Variants in DST observed in about 807,000 individuals in gnomAD.
DST encodes bullous pemphigoid antigen.
In DST, 253 loss-of-function variants were observed where a neutral mutation model predicts 875.2. That is an observed-to-expected ratio of 0.29 (90% CI 0.26 to 0.32). DST has a LOEUF of 0.32. DST is among the 10% of genes least tolerant of loss of function. The pLI, the probability that DST is intolerant of heterozygous loss-of-function variation, is 1.00. For missense variants in DST, 8,287 were observed against 9,111.6 expected, an observed-to-expected ratio of 0.91 and a Z score of 3.68; for synonymous variants, 3,124 against 3,197.1, an observed-to-expected ratio of 0.98 and a Z score of 0.77.
intron 34 of DST, among the ~76,000 whole-genome samples, chr6:56,626,413 A>C (rs1033178716): frequency 3.3e-5 from 5 of 152,156 alleles, no homozygotes; most frequent in Non-Finnish European, 7.4e-5. Context: ...ACAAATAGAT[A>C]CCATTATGTT....
At chr6:56,802,428 A>C (rs919872035) in intron 4 of DST, among the ~76,000 whole-genome samples, 23 of 152,094 alleles carry the variant, frequency 1.5e-4, no homozygotes, top group Non-Finnish European at 2.9e-4. Context: ...GATTTTAATA[A>C]ATATTTTTGT....
intron 72 of DST, among the ~76,000 whole-genome samples, chr6:56,514,605 A>C (rs2096552907): frequency 7.2e-6 from 1 of 139,570 alleles, no homozygotes; most frequent in African/African-American, 2.6e-5. Context: ...ACACACACAC[A>C]CACACACCCC....
At position 56,494,810 on chromosome 6, in the gene DST, T is replaced by A. The variant is rs184500130; in HGVS notation, c.20224-630A>T. Among the ~76,000 whole-genome samples the A allele has an allele frequency of 1.7e-4, 26 of 152,146 alleles. No individual in the cohort carries two copies. The East Asian group carries it at 5.0e-3, about 29-fold the overall frequency. ...GGACATAAAATATTGCTTAAACAAA[T>A]TCAAAGTTTAAGACCAACAAAACAA... On this transcript the variant is annotated intron_variant, in intron 82 of 103. Transcript: ENST00000680361.
At position 56,607,034 on chromosome 6, in the gene DST, C is replaced by T; in HGVS notation, c.7594G>A (p.Gly2532Ser). The change falls in exon 40 of 104, where the codon GGT becomes AGT. Residue 2532 changes from glycine (G) to serine (S), a missense_variant. Physicochemically the swap from Gly to Ser is moderately conservative, Grantham distance 56. Transcript: ENST00000680361. ...CCTGGATGTGTTTTTTCATCCTCAC[C>T]AGAAGTATTTGAAATGTATTTATCA... is the stretch of plus-strand genomic sequence containing the variant. ...HNDKYISNTS[G>S]EDEKTHPGFQ... 8.7e-6 allele frequency: 14 copies of T among 1,613,338 alleles called. No individual in the cohort carries two copies. Among genetic ancestry groups the T allele is most frequent in the Non-Finnish European group, 1.2e-5 (14 of 1,179,606 alleles).
intron 61 of DST, among the ~76,000 whole-genome samples, chr6:56,546,340 C>CATATTTCATATATATATATATATAT (rs1461763694): frequency 9.3e-5 from 8 of 86,142 alleles, no homozygotes; most frequent in African/African-American, 3.3e-4. Context: ...GAAATATATA[C>CATATTTCATATATATATATATATAT]ATATTTCATA....
rs760297508 is a variant in DST, at chr6:56,606,707, A to C, written c.7921T>G (p.Tyr2641Asp). 3 of 1,613,582 alleles carry C rather than the reference A, an allele frequency of 1.9e-6. No individual in the cohort carries two copies. Among genetic ancestry groups the C allele is most frequent in the Non-Finnish European group, 2.5e-6 (3 of 1,179,652 alleles). ...TCATTTTCCTCTTGCAGTGTGTCGT[A>C]GTCCTCAGGGTGCAGGCAATCACGA... The part of the protein sequence containing the change: ...DDRDCLHPED[Y>D]DTLQEENDET... Residue 2641 changes from tyrosine to aspartate, a missense_variant, in exon 40 of 104, where the codon TAC (tyrosine) becomes GAC (aspartate). Physicochemically the swap from Tyr to Asp is radical, Grantham distance 160. Coordinates refer to ENST00000680361, the MANE Select transcript of DST (RefSeq NM_001374736.1).
chr6:56,794,771 T>C (rs1162470543), intron 4 of DST, among the ~76,000 whole-genome samples: 5 of 152,178 alleles, frequency 3.3e-5, no homozygotes, highest in African/African-American at 1.2e-4. Context: ...TAAGCATGCC[T>C]TCACATCCTA....
chr6:56,707,751 C>T (rs768332859), intron 5 of DST, among the ~76,000 whole-genome samples: 1 of 152,210 alleles, frequency 6.6e-6, no homozygotes, highest in African/African-American at 2.4e-5. Context: ...AAACCCTCTA[C>T]ATAAGGGAAA....
chr6:56,706,713 G>A (rs1001897541), intron 5 of DST, among the ~76,000 whole-genome samples: 1 of 152,052 alleles, frequency 6.6e-6, no homozygotes, highest in Non-Finnish European at 1.5e-5. Context: ...GTTCACAATA[G>A]GGTTCACAGC....
chr6:56,641,048 G>C (rs1415750210), intron 17 of DST, among the ~76,000 whole-genome samples: 1 of 151,090 alleles, frequency 6.6e-6, no homozygotes, highest in Non-Finnish European at 1.5e-5. Context: ...AATTACTATA[G>C]ATTCCTAAAG....
rs199549741 is a variant in DST, at chr6:56,501,604, C to T, written c.19656G>A (p.Glu6552=). The T allele has an allele frequency of 6.2e-7, 1 of 1,609,126 alleles. No homozygotes were observed. The highest frequency in any genetic ancestry group is 8.5e-7 in the Non-Finnish European group (1 of 1,177,800). ...GGTCTTGAACAGTGTGTTTGTCACT[C>T]TCTTCTGTTACTTTCTTTAGCAAAA... ...AELLLKKVTE[E]SDKHTVQDPL... is the part of the protein sequence containing the mutation. The change falls in exon 79 of 104, where the codon GAG becomes GAA. Residue 6552 remains glutamate, a synonymous_variant. Coordinates refer to ENST00000680361, the MANE Select transcript of DST (RefSeq NM_001374736.1).
Position 56,603,839 on chromosome 6 carries a change from G to A in DST, c.10789C>T (p.Gln3597Ter). Residue 3597 changes from glutamine to a stop codon, truncating the protein, a stop_gained and splice_region_variant, in exon 40 of 104, where the codon CAA becomes TAA. Coordinates refer to ENST00000680361, the MANE Select transcript of DST (RefSeq NM_001374736.1). LOFTEE classifies it high-confidence loss of function. Reference sequence around the variant, plus strand: ...ATAAAATGTATAGGTCAACTTACTTGTTCGGTTGAGCTATCTCCAGAAGCC... The same window carrying A: ...ATAAAATGTATAGGTCAACTTACTTATTCGGTTGAGCTATCTCCAGAAGCC... ...EMASGDSSTEQFSSELQQCLQ... is the reference protein window; with the variant it reads ...EMASGDSSTE The A allele has an allele frequency of 6.2e-7, 1 of 1,606,900 alleles. No individual in the cohort carries two copies.
intron 9 of DST, among the ~76,000 whole-genome samples, chr6:56,686,760 GT>G (rs905378008): frequency 6.6e-6 from 1 of 152,184 alleles, no homozygotes; most frequent in African/African-American, 2.4e-5. Context: ...CCCGTTAAAA[GT>G]TTTGAAAACT....
Position 56,699,720 on chromosome 6 carries a change from T to C in DST, c.980A>G (p.Asp327Gly). 1.3e-6 allele frequency: 2 copies of C among 1,514,870 alleles called. No homozygotes were observed. The highest frequency in any genetic ancestry group is 1.8e-6 in the Non-Finnish European group (2 of 1,129,472). 93.8% of individuals were successfully genotyped at this position (1,514,870 alleles called of 1,614,324 possible). The change falls in exon 9 of 104, where the codon GAT becomes GGT. Residue 327 changes from aspartate to glycine, a missense_variant. Transcript: ENST00000680361. ...RQVKLVNIRN[D>G]DITDGNPKLT... ...TTTGGGATTTCCATCTGTTATGTCATCATTTCTAATATTCACTAATTTCAC... is the reference window on the plus strand; with the variant it reads ...TTTGGGATTTCCATCTGTTATGTCACCATTTCTAATATTCACTAATTTCAC...
chr6:56,672,479 A>G (rs1162642803), intron 9 of DST, among the ~76,000 whole-genome samples: 1 of 152,190 alleles, frequency 6.6e-6, no homozygotes, highest in Non-Finnish European at 1.5e-5. Context: ...GTACACATAG[A>G]AGAAATTTCT....
chr6:56,468,734 T>C (rs1283684192), intron 98 of DST, among the ~76,000 whole-genome samples: 1 of 152,208 alleles, frequency 6.6e-6, no homozygotes, highest in East Asian at 1.9e-4. Flanking sequence ...CGTAACATTG[T>C]AGCAAGCCAA....
At chr6:56,626,941 A>T (rs149631616) in intron 34 of DST, among the ~76,000 whole-genome samples, 17 of 152,114 alleles carry the variant, frequency 1.1e-4, no homozygotes, top group Non-Finnish European at 2.1e-4. Context: ...AAAAGAAAGA[A>T]AAGTGATAAG....
At chr6:56,505,280 G>A (rs947646795) in intron 77 of DST, among the ~76,000 whole-genome samples, 4 of 152,060 alleles carry the variant, frequency 2.6e-5, no homozygotes, top group Admixed American at 1.3e-4. Flanking sequence ...TACTTTTCTG[G>A]TAGTGATAAA....
intron 3 of DST, among the ~76,000 whole-genome samples, chr6:56,876,341 C>A (rs1021738325): frequency 2.0e-5 from 3 of 152,174 alleles, no homozygotes; most frequent in Admixed American, 6.5e-5. Context: ...CTTCTCCCAG[C>A]ATGCCATGGC....
Sources: allele counts gnomAD v4.1 joint callset (sites outside exome capture counted in the v4.1 genomes callset), GRCh38; gene constraint gnomAD v4.1.1; transcripts MANE v1.5; gene names NCBI Gene and HGNC (gene_info 2026-07-23, HGNC 2026-07-21).